RBPJ: variants seen among roughly 807,000 people sequenced by gnomAD.
The protein encoded by RBPJ is recombining binding protein suppressor of hairless.
A neutral mutation model predicts 67.8 loss-of-function variants in RBPJ; 9 were observed. The observed-to-expected ratio is 0.13, with a 90% CI of 0.08 to 0.23. RBPJ has a LOEUF of 0.23. Among genes scored for constraint, RBPJ ranks in the 10% least tolerant of loss-of-function variants. The pLI is 1.00. For synonymous variants in RBPJ, 198 were observed against 203.3 expected, an observed-to-expected ratio of 0.97 and a Z score of 0.22; for missense variants, 305 against 595.6, an observed-to-expected ratio of 0.51 and a Z score of 5.08.
chr4:26,377,502 A>C (rs904916621), intron 1 of RBPJ, among the ~76,000 whole-genome samples: 2 of 152,252 alleles, frequency 1.3e-5, no homozygotes, highest in African/African-American at 4.8e-5. Context: ...ACTGAAATTC[A>C]TAAAGGCATG....
intron 1 of RBPJ, among the ~76,000 whole-genome samples, chr4:26,340,418 CT>C (rs1252703344): frequency 6.6e-6 from 1 of 152,172 alleles, no homozygotes; most frequent in Non-Finnish European, 1.5e-5. Flanking sequence ...CAAAGAGGAA[CT>C]TAGTTTTTAT....
intron 1 of RBPJ, among the ~76,000 whole-genome samples, chr4:26,270,361 G>GAAAGAAAGA (rs1247579241): frequency 1.7e-4 from 3 of 17,568 alleles, no homozygotes; most frequent in African/African-American, 2.6e-4. Flanking sequence ...GCAAGAGAAA[G>GAAAGAAAGA]AAAGAAAGAA....
intron 1 of RBPJ, among the ~76,000 whole-genome samples, chr4:26,310,810 C>T (rs929938534): frequency 1.3e-5 from 2 of 151,972 alleles, no homozygotes; most frequent in African/African-American, 4.8e-5. Flanking sequence ...GCTGGGATTA[C>T]AGGCGCCTGC....
At chr4:26,281,454 AT>A (rs1721271009) in intron 1 of RBPJ, among the ~76,000 whole-genome samples, 1 of 151,836 alleles carries the variant, frequency 6.6e-6, no homozygotes, top group Non-Finnish European at 1.5e-5. Context: ...AATTTTTTGT[AT>A]TTTTAGTAGA....
At chr4:26,233,349 T>A (rs988209131) in intron 1 of RBPJ, among the ~76,000 whole-genome samples, 1 of 152,212 alleles carries the variant, frequency 6.6e-6, no homozygotes, top group Admixed American at 6.5e-5. Context: ...GTTTCACATT[T>A]TCTGTGTCTT....
At chr4:26,365,374 C>G (rs2109519866) in intron 1 of RBPJ, among the ~76,000 whole-genome samples, 1 of 152,256 alleles carries the variant, frequency 6.6e-6, no homozygotes, top group East Asian at 1.9e-4. Flanking sequence ...TATCCATGAT[C>G]ATCTTATCCT....
At position 26,289,032 on chromosome 4, in the gene RBPJ, A is replaced by AT. The variant is rs565667869; in HGVS notation, c.-166-73407dup. 2.3e-4 allele frequency among the ~76,000 whole-genome samples: 35 copies of AT among 151,054 alleles called. 2 individuals are homozygous for AT. Among genetic ancestry groups the AT allele is most frequent in the Admixed American group, 1.2e-3 (18 of 15,156 alleles). Reference sequence around the variant, plus strand: ...CAATTGTTTTTACCTATTTTATTAAATTTTTTTATGTTTAACTTACATACT... The same window carrying AT: ...CAATTGTTTTTACCTATTTTATTAAATTTTTTTTATGTTTAACTTACATACT... On this transcript the variant is annotated intron_variant, in intron 1 of 4. Transcript: ENST00000512351.
intron 1 of RBPJ, among the ~76,000 whole-genome samples, chr4:26,231,775 G>A (rs756237729): frequency 9.9e-5 from 15 of 151,768 alleles, no homozygotes; most frequent in Admixed American, 6.6e-4. Flanking sequence ...TCTCGAACTC[G>A]TGACCTCAGG....
At chr4:26,157,360 G>C in the RBPJ span, among the ~76,000 whole-genome samples, 5 of 152,060 alleles carry the variant, frequency 3.3e-5, no homozygotes, top group Non-Finnish European at 5.9e-5. Context: ...TCAAGCCCAG[G>C]AGTTTGAGGT....
At chr4:26,278,175 CTTCATA>C (rs1721144334) in intron 1 of RBPJ, among the ~76,000 whole-genome samples, 1 of 152,296 alleles carries the variant, frequency 6.6e-6, no homozygotes, top group African/African-American at 2.4e-5. Flanking sequence ...ATAACATATA[CTTCATA>C]TTCATCTTCA....
chr4:26,109,623 CCTCTCTCTCTCTCTCTCTGTCTCTCTCT>C, the RBPJ span, among the ~76,000 whole-genome samples: 877 of 20,696 alleles, frequency 0.042, 35 homozygotes, highest in East Asian at 0.048. Context: ...TGTCCACCTT[CCTCTCTCTCTCTCTCTCTGTCTCTCTCT>C]CTCTCTCTCT....
At chr4:26,249,240 C>A (rs185783633) in intron 1 of RBPJ, among the ~76,000 whole-genome samples, 36 of 152,208 alleles carry the variant, frequency 2.4e-4, no homozygotes, top group Non-Finnish European at 1.5e-5. Flanking sequence ...GTGCATACAG[C>A]AAAGTATATA....
At chr4:26,190,031 C>T (rs532766863) in intron 1 of RBPJ, among the ~76,000 whole-genome samples, 38 of 152,328 alleles carry the variant, frequency 2.5e-4, no homozygotes, top group African/African-American at 7.2e-4. Context: ...TATACAATAC[C>T]TGTGCATCAG....
intron 1 of RBPJ, among the ~76,000 whole-genome samples, chr4:26,303,895 C>T (rs1261185130): frequency 6.6e-6 from 1 of 152,176 alleles, no homozygotes; most frequent in Non-Finnish European, 1.5e-5. Flanking sequence ...ACTTCACATA[C>T]CATATAATTC....
At chr4:26,219,386 C>T (rs1157834453) in intron 1 of RBPJ, among the ~76,000 whole-genome samples, 1 of 152,180 alleles carries the variant, frequency 6.6e-6, no homozygotes, top group East Asian at 1.9e-4. Flanking sequence ...CTTTGTGAAT[C>T]AAGGAAAATA....
At chr4:26,252,458 G>A (rs1176327976) in intron 1 of RBPJ, among the ~76,000 whole-genome samples, 3 of 149,924 alleles carry the variant, frequency 2.0e-5, no homozygotes, top group African/African-American at 5.1e-5. Context: ...GTGGTGGCAC[G>A]CACCTGTGGT....
chr4:26,360,780 T>C (rs1727971407), intron 1 of RBPJ, among the ~76,000 whole-genome samples: 1 of 151,320 alleles, frequency 6.6e-6, no homozygotes, highest in African/African-American at 2.4e-5. Context: ...TTTTTTCTTT[T>C]GGTATTTTTA....
At chr4:26,371,530 C>T (rs1327480709) in intron 1 of RBPJ, among the ~76,000 whole-genome samples, 4 of 76,156 alleles carry the variant, frequency 5.3e-5, no homozygotes, top group African/African-American at 2.3e-4. Context: ...AACTAGTTGG[C>T]ATTTTTTTTT....
chr4:26,399,510 G>A (rs1287851409), intron 2 of RBPJ, among the ~76,000 whole-genome samples: 1 of 129,222 alleles, frequency 7.7e-6, no homozygotes, highest in Non-Finnish European at 1.7e-5. Context: ...TCTCTTTGTG[G>A]TATTTTTCTT....
Sources: allele counts gnomAD v4.1 joint callset (sites outside exome capture counted in the v4.1 genomes callset), GRCh38; gene constraint gnomAD v4.1.1; transcripts MANE v1.5; gene names NCBI Gene and HGNC (gene_info 2026-07-23, HGNC 2026-07-21).